COL25A1: variants seen among roughly 807,000 people sequenced by gnomAD.
COL25A1 encodes the protein collagen type XXV alpha 1 chain.
A neutral mutation model predicts 128.4 loss-of-function variants in COL25A1; 103 were observed. The observed-to-expected ratio is 0.80, with a 90% CI of 0.68 to 0.94. The LOEUF (loss-of-function observed/expected upper bound fraction) is 0.94. Among genes scored for constraint, COL25A1 ranks in the 40% least tolerant of loss-of-function variants. The pLI, the probability that COL25A1 is intolerant of heterozygous loss-of-function variation, is 0.00. For missense variants in COL25A1, 745 were observed against 840.0 expected, an observed-to-expected ratio of 0.89 and a Z score of 1.40; for synonymous variants, 279 against 277.2, an observed-to-expected ratio of 1.01 and a Z score of -0.06.
chr4:108,927,883 A>G (rs929370572), intron 11 of COL25A1, among the ~76,000 whole-genome samples: 10 of 152,200 alleles, frequency 6.6e-5, no homozygotes, highest in Admixed American at 3.9e-4. Context: ...AATATTGAGC[A>G]TTATATACCA....
chr4:108,813,608 A>G lies in COL25A1; in HGVS notation c.*319T>C, dbSNP rs1384711581. On this transcript the variant is annotated 3_prime_UTR_variant, in exon 38 of 38. Transcript: ENST00000399132. ...ATTTCATGGCACTTTTTGTCCATGC[A>G]ATTAGCAAGCCAAAAGAAGGAAAAT... 3.6e-6 allele frequency: 1 copy of G among 273,998 alleles called. No homozygotes were observed. Among genetic ancestry groups the G allele is most frequent in the Non-Finnish European group, 6.9e-6 (1 of 145,136 alleles). 17.0% of individuals were successfully genotyped at this position (273,998 alleles called of 1,614,324 possible). A position where few individuals can be genotyped will look rare whatever the true frequency, so the allele number is the denominator to read the frequency against.
intron 16 of COL25A1, among the ~76,000 whole-genome samples, chr4:108,892,744 G>A (rs977911919): frequency 6.6e-6 from 1 of 152,190 alleles, no homozygotes; most frequent in Middle Eastern, 3.2e-3. Flanking sequence ...GACACGATAA[G>A]CAAATGCATG....
At chr4:109,030,013 G>C (rs796657001) in intron 5 of COL25A1, among the ~76,000 whole-genome samples, 1 of 152,098 alleles carries the variant, frequency 6.6e-6, no homozygotes, top group Non-Finnish European at 1.5e-5. Flanking sequence ...TGCTACGGAC[G>C]TTAATACACC....
intron 19 of COL25A1, among the ~76,000 whole-genome samples, chr4:108,874,742 A>C (rs927153213): frequency 2.0e-5 from 3 of 152,218 alleles, no homozygotes; most frequent in African/African-American, 7.2e-5. Context: ...TAAAGAAAAT[A>C]ACAAAAATGT....
intron 19 of COL25A1, among the ~76,000 whole-genome samples, chr4:108,878,664 T>G (rs1739741837): frequency 6.6e-6 from 1 of 152,188 alleles, no homozygotes; most frequent in Non-Finnish European, 1.5e-5. Flanking sequence ...AATTAAAACA[T>G]CTTGGTGGCA....
chr4:109,234,420 A>G (rs10015960), intron 3 of COL25A1, among the ~76,000 whole-genome samples: 71,466 of 151,582 alleles, frequency 0.47, 17,611 homozygotes, highest in African/African-American at 0.57. Flanking sequence ...CTCTGTTGAC[A>G]ATTGTTAATA....
chr4:108,861,252 C>T (rs1187435529), intron 22 of COL25A1, among the ~76,000 whole-genome samples: 1 of 152,126 alleles, frequency 6.6e-6, no homozygotes, highest in Non-Finnish European at 1.5e-5. Flanking sequence ...AAAGGCAAAG[C>T]AAGTGGTTTC....
At chr4:109,286,290 C>T (rs1268010772) in intron 3 of COL25A1, among the ~76,000 whole-genome samples, 1 of 152,102 alleles carries the variant, frequency 6.6e-6, no homozygotes, top group Non-Finnish European at 1.5e-5. Flanking sequence ...ATACTATCAT[C>T]AAACACAAAG....
intron 3 of COL25A1, among the ~76,000 whole-genome samples, chr4:109,198,375 T>C (rs546634961): frequency 3.2e-4 from 49 of 151,700 alleles, no homozygotes; most frequent in African/African-American, 1.1e-3. Flanking sequence ...AGAAAACCGA[T>C]GTTCAGAACA....
At chr4:109,269,267 A>G (rs1283096192) in intron 3 of COL25A1, among the ~76,000 whole-genome samples, 317 of 141,534 alleles carry the variant, frequency 2.2e-3, no homozygotes, top group African/African-American at 9.6e-3. Context: ...TGAACGCATT[A>G]TTTTTTATGG....
intron 18 of COL25A1, among the ~76,000 whole-genome samples, chr4:108,884,924 TCA>T (rs1740600425): frequency 2.0e-5 from 3 of 152,202 alleles, no homozygotes; most frequent in Admixed American, 1.3e-4. Flanking sequence ...CTTCTCATTT[TCA>T]CAGAGTTGTC....
chr4:108,978,697 T>C (rs922163257), intron 6 of COL25A1, among the ~76,000 whole-genome samples: 31 of 152,224 alleles, frequency 2.0e-4, no homozygotes, highest in South Asian at 2.1e-4. Flanking sequence ...TTAGTAGACA[T>C]ATTTATTGTT....
chr4:109,109,910 C>A (rs1344483114), intron 3 of COL25A1, among the ~76,000 whole-genome samples: 2 of 152,184 alleles, frequency 1.3e-5, no homozygotes, highest in Admixed American at 1.3e-4. Flanking sequence ...TATCAGCTTT[C>A]TTATTATCTC....
intron 11 of COL25A1, among the ~76,000 whole-genome samples, chr4:108,933,404 A>T (rs1464457633): frequency 2.0e-5 from 3 of 152,208 alleles, no homozygotes; most frequent in Non-Finnish European, 4.4e-5. Flanking sequence ...AGTGGGCGAG[A>T]AGGAGAATGT....
chr4:109,106,418 C>T (rs1026805524), intron 3 of COL25A1, among the ~76,000 whole-genome samples: 10 of 151,984 alleles, frequency 6.6e-5, no homozygotes, highest in African/African-American at 2.4e-4. Flanking sequence ...CCCCTCTCTC[C>T]CCAACCAAAA....
At chr4:109,165,268 T>C (rs1441537092) in intron 3 of COL25A1, among the ~76,000 whole-genome samples, 1 of 152,156 alleles carries the variant, frequency 6.6e-6, no homozygotes, top group South Asian at 2.1e-4. Context: ...CTCATGCATG[T>C]AGGCTAAGAA....
chr4:109,078,668 A>G (rs1027740433), intron 3 of COL25A1, among the ~76,000 whole-genome samples: 8 of 152,248 alleles, frequency 5.3e-5, no homozygotes, highest in Admixed American at 5.2e-4. Flanking sequence ...TATGCAGGAA[A>G]GTTATTTCTA....
intron 6 of COL25A1, among the ~76,000 whole-genome samples, chr4:108,999,547 A>G (rs1423901686): frequency 1.3e-5 from 2 of 152,220 alleles, no homozygotes; most frequent in African/African-American, 4.8e-5. Flanking sequence ...CCATTGTGGA[A>G]GACAGTGTGG....
chr4:109,159,293 T>C (rs745663621), intron 3 of COL25A1, among the ~76,000 whole-genome samples: 6 of 151,932 alleles, frequency 3.9e-5, no homozygotes, highest in Admixed American at 6.6e-5. Flanking sequence ...ATTGAATAAA[T>C]TACTTAAGTG....
Sources: allele counts gnomAD v4.1 joint callset (sites outside exome capture counted in the v4.1 genomes callset), GRCh38; gene constraint gnomAD v4.1.1; transcripts MANE v1.5; gene names NCBI Gene and HGNC (gene_info 2026-07-23, HGNC 2026-07-21).